PFKFB4: variants seen among roughly 807,000 people sequenced by gnomAD.
PFKFB4 encodes the protein 6-phosphofructo-2-kinase/fructose-2,6-bisphosphatase 4.
In PFKFB4, 42 loss-of-function variants were observed where a neutral mutation model predicts 62.8. The ratio of observed to expected loss-of-function variants is 0.67; its 90% confidence interval spans 0.52 to 0.86. The LOEUF is 0.86. Ranked by LOEUF, PFKFB4 falls within the 40% of genes least tolerant of loss-of-function variation. PFKFB4 has a pLI of 0.00. For synonymous variants in PFKFB4, 204 were observed against 240.7 expected (o/e 0.85, Z 1.41); for missense variants, 475 against 627.2 (o/e 0.76, Z 2.59).
In PFKFB4 at chr3:48,535,651, T is replaced by C. The variant is rs557174629; in HGVS notation, c.848A>G (p.Lys283Arg). The part of the protein sequence containing the change: ...GLSPRGREFA[K>R]SLAQFISDQN... The stretch of plus-strand genomic sequence containing the variant: ...GTCACTGATGAACTGGGCTAGACTC[T>C]TGGCAAACTGAAATACATCATAAGC... Residue 283 changes from lysine to arginine, a missense_variant, in exon 9 of 14, where the codon AAG (lysine) becomes AGG (arginine). Transcript: ENST00000232375. 1 of 1,614,152 alleles carries C rather than the reference T, an allele frequency of 6.2e-7. No homozygotes were observed. Among genetic ancestry groups the C allele is most frequent in the African/African-American group, 1.3e-5 (1 of 75,058 alleles).
upstream of PFKFB4, chr3:48,562,408 G>A (rs13319651): frequency 0.046 from 11,736 of 254,566 alleles, 374 homozygotes; most frequent in African/African-American, 0.094. The surrounding 1 kb of genome is among the most constrained non-coding windows in gnomAD (Gnocchi z 4.3). Context: ...GTGTCCAGGT[G>A]TTCTGTGACT....
chr3:48,545,291 C>T (rs902847392), intron 3 of PFKFB4, among the ~76,000 whole-genome samples: 2 of 152,092 alleles, frequency 1.3e-5, no homozygotes, highest in Admixed American at 1.3e-4. Context: ...GCCACCACAC[C>T]CAGCTAATTT....
intron 9 of PFKFB4, among the ~76,000 whole-genome samples, chr3:48,532,240 G>T (rs1156877283): frequency 1.3e-5 from 2 of 152,216 alleles, no homozygotes; most frequent in African/African-American, 2.4e-5. Context: ...AACCAGGGAG[G>T]TGGAGGTTGC....
rs1322012373 is a variant in PFKFB4, at chr3:48,536,737, C to T, written c.633-274G>A. On this transcript the variant is annotated intron_variant, in intron 7 of 13. Coordinates refer to ENST00000232375, the MANE Select transcript of PFKFB4 (RefSeq NM_004567.4). ...AAGGTGACATCCAAAGTGGGGGGTC[C>T]GCCATACCACATCATGACTTTCTCC... The T allele has an allele frequency of 5.5e-5, 25 of 450,746 alleles. No homozygotes were observed. In the East Asian group the frequency reaches 8.1e-4, roughly 15 times the overall value. 27.9% of individuals were successfully genotyped at this position (450,746 alleles called of 1,614,324 possible). A position where few individuals can be genotyped will look rare whatever the true frequency, so the allele number is the denominator to read the frequency against.
At position 48,549,892 on chromosome 3, in the gene PFKFB4, C is replaced by T. The variant is rs569405949; in HGVS notation, c.283G>A (p.Asp95Asn). ...TYKSFEFFLP[D>N]NEEGLKIRKQ... Reference sequence around the variant, plus strand: ...CTGATTTTCAGGCCCTCTTCATTGTCGGGGAGAAAAAATTCAAAAGATTTG... The same window carrying T: ...CTGATTTTCAGGCCCTCTTCATTGTTGGGGAGAAAAAATTCAAAAGATTTG... The change falls in exon 3 of 14, where the codon GAC becomes AAC. Residue 95 changes from aspartate to asparagine, a missense_variant. Transcript: ENST00000232375. 336 of 1,612,678 alleles carry T rather than the reference C, an allele frequency of 2.1e-4. 6 individuals carry two copies. In the South Asian group the frequency reaches 3.4e-3, roughly 17 times the overall value.
chr3:48,517,718 T>C lies in PFKFB4; in HGVS notation c.*2029A>G, dbSNP rs2041963485. 1 of 152,698 alleles carries C rather than the reference T, an allele frequency of 6.5e-6. No individual in the cohort carries two copies. Among genetic ancestry groups the C allele is most frequent in the African/African-American group, 2.4e-5 (1 of 41,480 alleles). 9.5% of individuals were successfully genotyped at this position (152,698 alleles called of 1,614,324 possible). On this transcript the variant is annotated 3_prime_UTR_variant, in exon 14 of 14. Coordinates refer to ENST00000232375, the MANE Select transcript of PFKFB4 (RefSeq NM_004567.4). ...AAAAAGTATTTATTGCAAAGAATGC[T>C]GGACACAGTGTTGCATGTGGCTGAG...
chr3:48,550,664 C>T (rs970226352), intron 1 of PFKFB4, among the ~76,000 whole-genome samples: 4 of 152,220 alleles, frequency 2.6e-5, no homozygotes, highest in Non-Finnish European at 5.9e-5. Context: ...CCATCCATCA[C>T]TCAGTGCTCC....
chr3:48,537,705 T>G (rs2042668962), intron 7 of PFKFB4, among the ~76,000 whole-genome samples: 1 of 151,566 alleles, frequency 6.6e-6, no homozygotes, highest in Non-Finnish European at 1.5e-5. Context: ...TTGTATTTTT[T>G]GTAGAGACGG....
At chr3:48,555,960 A>C (rs2043302833) in intron 1 of PFKFB4, 1 of 348,900 alleles carries the variant, frequency 2.9e-6, no homozygotes, top group African/African-American at 2.2e-5. Context: ...AACTCAAGGA[A>C]GCGGTTTAAA....
Position 48,529,020 on chromosome 3 carries a change from C to CTTATTTATTTAT in PFKFB4, c.988-3363_988-3352dup, listed in dbSNP as rs541772549. On this transcript the variant is annotated intron_variant, in intron 9 of 13. Transcript: ENST00000232375. ...ACACTAAAAACCACTGAACTGTATA[C>CTTATTTATTTAT]TTATTTATTTATTTATTTATTTATT... Among the ~76,000 whole-genome samples the CTTATTTATTTAT allele has an allele frequency of 2.8e-3, 430 of 151,676 alleles. 2 individuals carry two copies. Among genetic ancestry groups the CTTATTTATTTAT allele is most frequent in the African/African-American group, 1.0e-2 (411 of 41,256 alleles).
chr3:48,536,226 G>A (rs1213866405), intron 8 of PFKFB4, 30 bp downstream of exon 8: 8 of 1,591,584 alleles, frequency 5.0e-6, no homozygotes, highest in South Asian at 3.3e-5. Context: ...ATGCAGGCCC[G>A]TGTGCGCACG....
chr3:48,537,347 A>C (rs1450124294), intron 7 of PFKFB4, among the ~76,000 whole-genome samples: 1 of 151,996 alleles, frequency 6.6e-6, no homozygotes, highest in Non-Finnish European at 1.5e-5. Flanking sequence ...CATGAAGAGA[A>C]ATGCTGTGCT....
At chr3:48,536,235 C>T (rs760969562) in intron 8 of PFKFB4, 21 bp downstream of exon 8, 25 of 1,603,278 alleles carry the variant, frequency 1.6e-5, no homozygotes, top group Middle Eastern at 1.8e-4. Context: ...CGTGTGCGCA[C>T]GCAGGGACAC....
chr3:48,544,123 T>C (rs1430187230), intron 3 of PFKFB4, among the ~76,000 whole-genome samples: 1 of 151,820 alleles, frequency 6.6e-6, no homozygotes, highest in South Asian at 2.1e-4. Flanking sequence ...GCAATTTTCG[T>C]GCCTCAGCCT....
chr3:48,525,551 C>G lies in PFKFB4; in HGVS notation c.1092+14G>C, dbSNP rs1454847176. On this transcript the variant is annotated intron_variant, in intron 10 of 13. Coordinates refer to ENST00000232375, the MANE Select transcript of PFKFB4 (RefSeq NM_004567.4). ...GCAGTAGGTGGCTGGGACTAAGCCC[C>G]AAATCCCACCTACCTCCCCTTTAGG... is the stretch of plus-strand genomic sequence containing the variant. 6.7e-7 allele frequency: 1 copy of G among 1,491,320 alleles called. No individual in the cohort carries two copies. Among genetic ancestry groups the G allele is most frequent in the Non-Finnish European group, 9.2e-7 (1 of 1,086,564 alleles). The allele number at this position is 1,491,320 out of a possible 1,614,324, so 92.4% of individuals were successfully genotyped here. A position where few individuals can be genotyped will look rare whatever the true frequency, so the allele number is the denominator to read the frequency against.
intron 3 of PFKFB4, among the ~76,000 whole-genome samples, chr3:48,547,641 T>A (rs182679908): frequency 2.0e-4 from 31 of 152,280 alleles, no homozygotes; most frequent in Middle Eastern, 6.8e-3. Context: ...ATGTGGCTAA[T>A]TTTTGTAATT....
intron 3 of PFKFB4, among the ~76,000 whole-genome samples, chr3:48,546,560 T>C (rs1444822853): frequency 6.6e-6 from 1 of 152,184 alleles, no homozygotes; most frequent in Non-Finnish European, 1.5e-5. Flanking sequence ...TGACTGCATG[T>C]GTGTGGAAGA....
At chr3:48,540,427 C>T (rs1253920766) in intron 4 of PFKFB4, among the ~76,000 whole-genome samples, 1 of 152,160 alleles carries the variant, frequency 6.6e-6, no homozygotes, top group African/African-American at 2.4e-5. Context: ...GACTAGCTGG[C>T]TGATAAAGAA....
intron 3 of PFKFB4, among the ~76,000 whole-genome samples, chr3:48,549,509 G>A (rs1046101392): frequency 1.3e-5 from 2 of 150,664 alleles, no homozygotes; most frequent in Non-Finnish European, 3.0e-5. Context: ...CCAACGACCT[G>A]CATGGGCTGA....
Sources: allele counts gnomAD v4.1 joint callset (sites outside exome capture counted in the v4.1 genomes callset), GRCh38; gene constraint gnomAD v4.1.1; non-coding constraint Gnocchi (gnomAD v3.1); transcripts MANE v1.5; gene names NCBI Gene and HGNC (gene_info 2026-07-23, HGNC 2026-07-21).